SLC2A13: variants seen among roughly 807,000 people sequenced by gnomAD.
The protein encoded by SLC2A13 is solute carrier family 2 member 13, also known as proton myo-inositol cotransporter.
Under a neutral mutation model 64.4 loss-of-function variants are expected in SLC2A13, and 32 were observed. The observed-to-expected ratio is 0.50, with a 90% CI of 0.37 to 0.67. SLC2A13 has a LOEUF of 0.67. Among genes scored for constraint, SLC2A13 ranks in the 30% least tolerant of loss-of-function variants. The probability of loss-of-function intolerance (pLI) is 0.00; values close to 1 mark genes in which losing one functional copy is unlikely to be tolerated. For synonymous variants in SLC2A13, 338 were observed against 327.1 expected (o/e 1.03, Z -0.36); for missense variants, 743 against 829.2 (o/e 0.90, Z 1.28).
intron 1 of SLC2A13, among the ~76,000 whole-genome samples, chr12:40,095,133 G>A (rs888965893): frequency 1.1e-4 from 17 of 152,208 alleles, no homozygotes; most frequent in African/African-American, 4.1e-4. Context: ...AAAAATCTGG[G>A]GGAAAAAATA....
intron 7 of SLC2A13, among the ~76,000 whole-genome samples, chr12:39,806,396 A>G (rs1457443751): frequency 6.6e-6 from 1 of 152,210 alleles, no homozygotes; most frequent in Non-Finnish European, 1.5e-5. Flanking sequence ...CTCACAGAAG[A>G]AAATGGCATT....
rs181379924 is a variant in SLC2A13 at position 40,033,404 on chromosome 12, C to T, written c.717-4895G>A. Among the ~76,000 whole-genome samples the T allele has an allele frequency of 1.4e-3, 211 of 152,318 alleles. 1 individual carries two copies. The highest frequency in any genetic ancestry group is 4.8e-3 in the African/African-American group (201 of 41,580). On this transcript the variant is annotated intron_variant, in intron 2 of 9. Coordinates refer to ENST00000280871, the MANE Select transcript of SLC2A13 (RefSeq NM_052885.4). ...CACTGCAGAAATAACAAAGCAAAAG[C>T]AAAAGCAAAGCTGGCTGGCTGGGAG...
intron 7 of SLC2A13, among the ~76,000 whole-genome samples, chr12:39,823,251 TG>T (rs1395467499): frequency 6.6e-6 from 1 of 152,218 alleles, no homozygotes; most frequent in African/African-American, 2.4e-5. Context: ...AAATTTATGT[TG>T]GTAAAAATTA....
At position 39,793,987 on chromosome 12, in the gene SLC2A13, G is replaced by C. The variant is rs572153964; in HGVS notation, c.1446-29129C>G. 1.9e-4 allele frequency among the ~76,000 whole-genome samples: 29 copies of C among 152,030 alleles called. 1 individual carries two copies. The highest frequency in any genetic ancestry group is 1.2e-3 in the Admixed American group (18 of 15,234). On this transcript the variant is annotated intron_variant, in intron 7 of 9. Transcript: ENST00000280871. ...GCCAAGAAGAGGGATGTGGAGAACT[G>C]TAAAATTTTCTGCTCTGAACCTAAT... is the stretch of plus-strand genomic sequence containing the variant.
chr12:39,911,866 GAGCA>G (rs1945438108), intron 4 of SLC2A13, among the ~76,000 whole-genome samples: 2 of 152,066 alleles, frequency 1.3e-5, no homozygotes, highest in Non-Finnish European at 1.5e-5. Context: ...CAAAGAAGGT[GAGCA>G]AGACACATTG....
chr12:40,051,354 G>A (rs1948250202), intron 1 of SLC2A13, among the ~76,000 whole-genome samples: 1 of 152,090 alleles, frequency 6.6e-6, no homozygotes, highest in South Asian at 2.1e-4. Context: ...AGATAAGATG[G>A]GAGAGACAGA....
intron 7 of SLC2A13, among the ~76,000 whole-genome samples, chr12:39,797,981 G>A (rs532716866): frequency 6.6e-6 from 1 of 152,264 alleles, no homozygotes; most frequent in South Asian, 2.1e-4. Context: ...GGGTTGACTT[G>A]TGTAACCAAT....
chr12:39,776,130 A>G (rs1221003580), intron 7 of SLC2A13, among the ~76,000 whole-genome samples: 2 of 152,194 alleles, frequency 1.3e-5, no homozygotes, highest in Non-Finnish European at 1.5e-5. Context: ...TTTTCCCATA[A>G]TACAGTCAGG....
chr12:40,022,076 A>G (rs1257236791), intron 3 of SLC2A13, among the ~76,000 whole-genome samples: 2 of 152,146 alleles, frequency 1.3e-5, no homozygotes, highest in African/African-American at 2.4e-5. Flanking sequence ...CTTCCTATAC[A>G]TGACAGACAT....
rs544836660 is a variant in SLC2A13 at position 39,976,695 on chromosome 12, G to A, written c.926-25330C>T. Among the ~76,000 whole-genome samples the A allele has an allele frequency of 9.2e-4, 140 of 152,002 alleles. 1 individual carries two copies. Among genetic ancestry groups the A allele is most frequent in the African/African-American group, 3.2e-3 (133 of 41,438 alleles). ...TTACAGGAGTGAAACTGCTGCCCCTGGCCATGTTTCACTTTTTAATCATCA... is the reference window on the plus strand; with the variant it reads ...TTACAGGAGTGAAACTGCTGCCCCTAGCCATGTTTCACTTTTTAATCATCA... On this transcript the variant is annotated intron_variant, in intron 3 of 9. Coordinates refer to ENST00000280871, the MANE Select transcript of SLC2A13 (RefSeq NM_052885.4).
chr12:39,807,589 T>C (rs989765175), intron 7 of SLC2A13, among the ~76,000 whole-genome samples: 2 of 152,238 alleles, frequency 1.3e-5, no homozygotes, highest in African/African-American at 4.8e-5. Context: ...TCATTTGCTT[T>C]CAAAGGTACT....
At chr12:39,799,039 C>T (rs1360824825) in intron 7 of SLC2A13, among the ~76,000 whole-genome samples, 2 of 150,374 alleles carry the variant, frequency 1.3e-5, no homozygotes, top group African/African-American at 2.4e-5. Flanking sequence ...TCAGATAATA[C>T]AGCCACCTGA....
intron 9 of SLC2A13, among the ~76,000 whole-genome samples, chr12:39,762,228 A>C (rs902177751): frequency 2.0e-5 from 3 of 152,036 alleles, no homozygotes; most frequent in Non-Finnish European, 2.9e-5. Context: ...ATCAGTCACT[A>C]TCTCAGTTTC....
intron 7 of SLC2A13, among the ~76,000 whole-genome samples, chr12:39,820,717 TTA>T (rs11272834): frequency 1.6e-4 from 21 of 132,520 alleles, no homozygotes; most frequent in Non-Finnish European, 1.8e-4. Flanking sequence ...ATTTTTAAAT[TTA>T]TATATATATA....
chr12:40,056,376 T>C (rs774596413), intron 1 of SLC2A13, among the ~76,000 whole-genome samples: 1 of 152,048 alleles, frequency 6.6e-6, no homozygotes, highest in Non-Finnish European at 1.5e-5. Flanking sequence ...AAATAAGAAA[T>C]TGATATTCAA....
At chr12:39,852,493 T>C (rs1285370063) in intron 6 of SLC2A13, among the ~76,000 whole-genome samples, 3 of 152,234 alleles carry the variant, frequency 2.0e-5, no homozygotes, top group Non-Finnish European at 4.4e-5. Flanking sequence ...TCATTGATCA[T>C]GACTCACAGA....
At chr12:40,047,330 A>G (rs570749285) in intron 2 of SLC2A13, among the ~76,000 whole-genome samples, 2 of 152,316 alleles carry the variant, frequency 1.3e-5, no homozygotes, top group South Asian at 4.1e-4. Flanking sequence ...TACTGAATAA[A>G]TATTTGTTCT....
At chr12:39,954,350 C>T (rs1055983007) in intron 3 of SLC2A13, among the ~76,000 whole-genome samples, 1 of 98,798 alleles carries the variant, frequency 1.0e-5, no homozygotes, top group Non-Finnish European at 2.4e-5. Flanking sequence ...AGGATAGATT[C>T]AGAGAGGGAG....
chr12:39,982,372 A>G (rs2136151001), intron 3 of SLC2A13, among the ~76,000 whole-genome samples: 1 of 136,102 alleles, frequency 7.3e-6, no homozygotes, highest in Admixed American at 7.5e-5. Flanking sequence ...AATTAGGAAA[A>G]GAGGAAGTCA....
Sources: gnomAD v4.1 joint callset for allele counts (sites outside exome capture counted in the v4.1 genomes callset) on GRCh38, gnomAD v4.1.1 for gene constraint, MANE v1.5 for transcripts, NCBI Gene and HGNC (gene_info 2026-07-23, HGNC 2026-07-21) for gene names.